The following L3MBTL4 variants were observed in gnomAD, a reference collection of about 807,000 sequenced individuals.
L3MBTL4 encodes the protein L3MBTL histone methyl-lysine binding protein 4.
In L3MBTL4, 70 loss-of-function variants were observed where a neutral mutation model predicts 84.5. The observed-to-expected ratio is 0.83, with a 90% CI of 0.68 to 1.01. L3MBTL4 has a LOEUF of 1.01. Among genes scored for constraint, L3MBTL4 ranks in the 50% least tolerant of loss-of-function variants. L3MBTL4 has a pLI of 0.00. For missense variants in L3MBTL4, 715 were observed against 754.8 expected, an observed-to-expected ratio of 0.95 and a Z score of 0.62; for synonymous variants, 274 against 259.8, an observed-to-expected ratio of 1.05 and a Z score of -0.52.
intron 13 of L3MBTL4, among the ~76,000 whole-genome samples, chr18:6,152,529 T>C (rs768257753): frequency 6.6e-6 from 1 of 152,214 alleles, no homozygotes; most frequent in South Asian, 2.1e-4. Flanking sequence ...CTGCTGTCCA[T>C]CTGTATGGCT....
intron 1 of L3MBTL4, among the ~76,000 whole-genome samples, chr18:6,338,695 A>G (rs1183963450): frequency 2.0e-5 from 3 of 152,068 alleles, no homozygotes; most frequent in East Asian, 3.9e-4. Flanking sequence ...TAAAAAACCA[A>G]AATTATCAGA....
chr18:5,994,824 G>C (rs486176), intron 16 of L3MBTL4, among the ~76,000 whole-genome samples: 1 of 152,086 alleles, frequency 6.6e-6, no homozygotes, highest in African/African-American at 2.4e-5. Context: ...TCTGCTCTCA[G>C]GAATACCCTT....
chr18:6,245,678 C>A (rs191327662), intron 5 of L3MBTL4, among the ~76,000 whole-genome samples: 109 of 151,818 alleles, frequency 7.2e-4, no homozygotes, highest in Non-Finnish European at 1.4e-3. Context: ...CAACCTCCGC[C>A]TCCCAGGTTC....
At chr18:6,165,012 G>A (rs1472583641) in intron 13 of L3MBTL4, among the ~76,000 whole-genome samples, 2 of 152,168 alleles carry the variant, frequency 1.3e-5, no homozygotes, top group South Asian at 2.1e-4. Flanking sequence ...GAAAACCATG[G>A]CACAAGAACT....
At chr18:6,054,397 C>T (rs1414585677) in intron 16 of L3MBTL4, among the ~76,000 whole-genome samples, 4 of 152,088 alleles carry the variant, frequency 2.6e-5, no homozygotes, top group African/African-American at 9.7e-5. Flanking sequence ...AAAGTCAATT[C>T]CTGTACCTTA....
intron 17 of L3MBTL4, among the ~76,000 whole-genome samples, chr18:5,965,219 T>C (rs866084324): frequency 6.6e-6 from 1 of 152,192 alleles, no homozygotes; most frequent in Non-Finnish European, 1.5e-5. Context: ...AACACTGCTC[T>C]AAGAGAGACA....
At chr18:6,060,206 T>A (rs899866925) in intron 16 of L3MBTL4, among the ~76,000 whole-genome samples, 3 of 152,134 alleles carry the variant, frequency 2.0e-5, no homozygotes, top group African/African-American at 7.2e-5. Flanking sequence ...CAGAATAGCA[T>A]CCTTGAGCTA....
chr18:6,365,578 T>C (rs944725487), intron 1 of L3MBTL4, among the ~76,000 whole-genome samples: 1 of 152,164 alleles, frequency 6.6e-6, no homozygotes, highest in Non-Finnish European at 1.5e-5. Context: ...GCAACAATAG[T>C]GTGGTTTAAA....
chr18:6,126,331 T>C (rs1015092452), intron 14 of L3MBTL4, among the ~76,000 whole-genome samples: 2 of 152,192 alleles, frequency 1.3e-5, no homozygotes, highest in African/African-American at 2.4e-5. Context: ...TTAAAGAGAA[T>C]GAATTTTCTT....
At chr18:6,208,116 A>AAATAAAT (rs2045950170) in intron 12 of L3MBTL4, among the ~76,000 whole-genome samples, 1 of 144,442 alleles carries the variant, frequency 6.9e-6, no homozygotes, top group Admixed American at 7.0e-5. Context: ...CCCTGTCTAA[A>AAATAAAT]AAATAAATAA....
At chr18:6,316,574 C>T (rs963322379) in intron 1 of L3MBTL4, among the ~76,000 whole-genome samples, 1 of 152,198 alleles carries the variant, frequency 6.6e-6, no homozygotes, top group African/African-American at 2.4e-5. Flanking sequence ...TATAGACAGC[C>T]TTTCTGGAAC....
chr18:6,009,597 A>G (rs2054644012), intron 16 of L3MBTL4, among the ~76,000 whole-genome samples: 1 of 152,198 alleles, frequency 6.6e-6, no homozygotes, highest in South Asian at 2.1e-4. Flanking sequence ...AATGGTGTGT[A>G]TCTGCACACA....
chr18:6,060,391 C>CTT (rs1334761946), intron 16 of L3MBTL4, among the ~76,000 whole-genome samples: 2 of 144,234 alleles, frequency 1.4e-5, no homozygotes. Context: ...TCGCAATCAG[C>CTT]TTTTTTTTTT....
At chr18:6,220,961 G>C (rs1217150672) in intron 10 of L3MBTL4, among the ~76,000 whole-genome samples, 1 of 152,114 alleles carries the variant, frequency 6.6e-6, no homozygotes, top group Admixed American at 6.5e-5. Flanking sequence ...CTGTAAACTG[G>C]ATGATGCCAA....
intron 1 of L3MBTL4, among the ~76,000 whole-genome samples, chr18:6,357,629 G>A (rs1249654254): frequency 1.3e-5 from 2 of 152,054 alleles, no homozygotes; most frequent in African/African-American, 4.8e-5. Context: ...AAGCAACTGT[G>A]AAAATTCCCC....
intron 14 of L3MBTL4, among the ~76,000 whole-genome samples, chr18:6,110,470 G>T (rs2059155641): frequency 6.6e-6 from 1 of 151,936 alleles, no homozygotes; most frequent in South Asian, 2.1e-4. Context: ...TGTATGTGTG[G>T]CATGGGTGGG....
chr18:6,177,529 G>C (rs2145292255), intron 12 of L3MBTL4, among the ~76,000 whole-genome samples: 1 of 152,322 alleles, frequency 6.6e-6, no homozygotes, highest in Admixed American at 6.5e-5. Context: ...TGGGATGGTG[G>C]CTATGCAGGA....
intron 1 of L3MBTL4, among the ~76,000 whole-genome samples, chr18:6,351,671 C>T (rs2053199272): frequency 6.6e-6 from 1 of 152,034 alleles, no homozygotes; most frequent in Admixed American, 6.6e-5. Context: ...CCTGCCTCAG[C>T]CTCCCGAGTA....
chr18:6,039,919 A>G (rs530844900), intron 16 of L3MBTL4, among the ~76,000 whole-genome samples: 6 of 152,322 alleles, frequency 3.9e-5, no homozygotes, highest in South Asian at 4.1e-4. Flanking sequence ...AAATAACACA[A>G]TGTTCATTAG....
Sources: gnomAD v4.1 joint callset for allele counts (sites outside exome capture counted in the v4.1 genomes callset) on GRCh38, gnomAD v4.1.1 for gene constraint, MANE v1.5 for transcripts, NCBI Gene and HGNC (gene_info 2026-07-23, HGNC 2026-07-21) for gene names.